ACSS3: variants seen among roughly 807,000 people sequenced by gnomAD.
The protein encoded by ACSS3 is acyl-CoA synthetase short-chain family member 3, mitochondrial.
Under a neutral mutation model 84.2 loss-of-function variants are expected in ACSS3, and 64 were observed. That is an observed-to-expected ratio of 0.76 (90% confidence interval 0.62 to 0.94). The LOEUF (loss-of-function observed/expected upper bound fraction) is 0.94. ACSS3 is among the 40% of genes least tolerant of loss of function. The pLI is 0.00. For synonymous variants in ACSS3, 317 were observed against 310.1 expected, an observed-to-expected ratio of 1.02 and a Z score of -0.23; for missense variants, 815 against 867.6, an observed-to-expected ratio of 0.94 and a Z score of 0.76.
chr12:81,243,570 G>C (rs1016165105), intron 13 of ACSS3, among the ~76,000 whole-genome samples: 2 of 152,134 alleles, frequency 1.3e-5, no homozygotes, highest in Non-Finnish European at 2.9e-5. Context: ...TAAGCCAGAA[G>C]AACAAAGCTG....
At chr12:81,096,130 A>T (rs1882026916) in intron 1 of ACSS3, among the ~76,000 whole-genome samples, 1 of 152,186 alleles carries the variant, frequency 6.6e-6, no homozygotes, top group South Asian at 2.1e-4. Context: ...AAATACTTAA[A>T]GCCTGCTCTG....
In ACSS3 at chr12:81,224,574, ATGTGT is replaced by A. The variant is rs1565730465; in HGVS notation, c.1514+4499_1514+4503del. The stretch of plus-strand genomic sequence containing the variant: ...TACATATATATATACACACACACAC[ATGTGT>A]GTGTGTGTGTGTGTGTGTGTGTATG... On this transcript the variant is annotated intron_variant, in intron 11 of 15. Transcript: ENST00000548058. 8.2e-3 allele frequency among the ~76,000 whole-genome samples: 590 copies of A among 71,936 alleles called. 2 individuals are homozygous for A. Among genetic ancestry groups the A allele is most frequent in the Non-Finnish European group, 0.015 (469 of 31,512 alleles). The allele number at this position is 71,936 out of a possible 152,430, so 47.2% of individuals were successfully genotyped here.
intron 8 of ACSS3, among the ~76,000 whole-genome samples, chr12:81,196,854 A>G (rs556526261): frequency 1.3e-5 from 2 of 152,246 alleles, no homozygotes; most frequent in South Asian, 2.1e-4. Flanking sequence ...ACTTATTACC[A>G]TGGGGAGGAC....
intron 11 of ACSS3, among the ~76,000 whole-genome samples, chr12:81,230,815 CCA>C (rs2033433542): frequency 6.6e-6 from 1 of 151,750 alleles, no homozygotes; most frequent in African/African-American, 2.4e-5. Flanking sequence ...TATTTGATTT[CCA>C]CATACTTGTG....
chr12:81,215,519 T>C (rs1490675384), intron 9 of ACSS3, among the ~76,000 whole-genome samples: 1 of 152,202 alleles, frequency 6.6e-6, no homozygotes, highest in Non-Finnish European at 1.5e-5. Context: ...TAAAGTGATA[T>C]CAATATGTGA....
Position 81,233,420 on chromosome 12 carries a change from T to C in ACSS3, c.1668T>C (p.Asp556=). The C allele has an allele frequency of 6.2e-7, 1 of 1,611,192 alleles. No individual in the cohort carries two copies. The highest frequency in any genetic ancestry group is 8.5e-7 in the Non-Finnish European group (1 of 1,177,998). ...ATTTGTATGTTATGTCTCGAGTGGA[T>C]GATGTAATAAATGTTGCAGGTCACA... ...EGYLYVMSRV[D]DVINVAGHRI... Residue 556 remains aspartate, a synonymous_variant, in exon 13 of 16, where the codon GAT becomes GAC. Transcript: ENST00000548058.
At chr12:81,108,166 G>T (rs1357365019) in intron 1 of ACSS3, among the ~76,000 whole-genome samples, 4 of 151,852 alleles carry the variant, frequency 2.6e-5, no homozygotes, top group South Asian at 2.1e-4. Context: ...TATGCTGTAG[G>T]TAATCAAATT....
intron 2 of ACSS3, among the ~76,000 whole-genome samples, chr12:81,134,338 A>T (rs1397249491): frequency 6.6e-6 from 1 of 152,200 alleles, no homozygotes; most frequent in South Asian, 2.1e-4. Flanking sequence ...GTGTTTAGTG[A>T]TATGTTTTCT....
At chr12:81,128,641 C>G (rs997703187) in intron 2 of ACSS3, among the ~76,000 whole-genome samples, 1 of 152,152 alleles carries the variant, frequency 6.6e-6, no homozygotes, top group Admixed American at 6.5e-5. Flanking sequence ...ACATGGTTAA[C>G]TTTTCTTCAG....
At chr12:81,249,578 A>G (rs1043256535) in intron 13 of ACSS3, among the ~76,000 whole-genome samples, 5 of 152,072 alleles carry the variant, frequency 3.3e-5, no homozygotes, top group African/African-American at 1.2e-4. Flanking sequence ...ATATATTTCC[A>G]TAAAGTGACT....
chr12:81,133,125 TTTTC>T (rs1289153175), intron 2 of ACSS3, among the ~76,000 whole-genome samples: 1 of 152,056 alleles, frequency 6.6e-6, no homozygotes, highest in Non-Finnish European at 1.5e-5. Context: ...GTGTTTTTTT[TTTTC>T]TTTCTGTCTT....
At position 81,253,664 on chromosome 12, in the gene ACSS3, A is replaced by G. The variant is rs1184206681; in HGVS notation, c.1989A>G (p.Pro663=). The change falls in exon 15 of 16, where the codon CCA becomes CCG. Residue 663 remains proline, a synonymous_variant. Transcript: ENST00000548058. Reference sequence around the variant, plus strand: ...TATCTGCCATTGTCAATGGCAAGCCATACAAGGTAAATTATCAAAGATATT... The same window carrying G: ...TATCTGCCATTGTCAATGGCAAGCCGTACAAGGTAAATTATCAAAGATATT... ...SALSAIVNGK[P]YKITSTIEDP... is the part of the protein sequence containing the mutation. 1.9e-6 allele frequency: 3 copies of G among 1,611,004 alleles called. No individual in the cohort carries two copies. In the South Asian group the frequency reaches 3.3e-5, roughly 18 times the overall value.
At chr12:81,094,184 CTGTGTGTGTGTG>C (rs34746505) in intron 1 of ACSS3, among the ~76,000 whole-genome samples, 1 of 146,666 alleles carries the variant, frequency 6.8e-6, no homozygotes, top group Non-Finnish European at 1.5e-5. Context: ...GTCTCTCTCT[CTGTGTGTGTGTG>C]TGTGTGTGTG....
chr12:81,148,153 G>C (rs1248221349), intron 5 of ACSS3, among the ~76,000 whole-genome samples: 1 of 127,466 alleles, frequency 7.8e-6, no homozygotes, highest in African/African-American at 2.6e-5. Context: ...GATATTTAAA[G>C]ACCATTAAAA....
chr12:81,212,865 A>G (rs1303064631), intron 9 of ACSS3, among the ~76,000 whole-genome samples: 1 of 152,184 alleles, frequency 6.6e-6, no homozygotes, highest in African/African-American at 2.4e-5. Flanking sequence ...AAATTTCTCT[A>G]TTAGCTTCTA....
In ACSS3 at chr12:81,078,278, C is replaced by A. The variant is rs377693664; in HGVS notation, c.158C>A (p.Ala53Glu). The change falls in exon 1 of 16, where the codon GCA (alanine) becomes GAA (glutamate). Residue 53 changes from alanine (A) to glutamate (E), a missense_variant. Physicochemically the swap from Ala to Glu is moderately radical, Grantham distance 107 (BLOSUM62 -1). Coordinates refer to ENST00000548058, the MANE Select transcript of ACSS3 (RefSeq NM_024560.4). ...RGGLGGRGCR[A>E]LSSGSGSEYK... The stretch of plus-strand genomic sequence containing the variant: ...GGTCTCGGGGGCCGGGGATGCAGGG[C>A]ACTGTCCTCCGGCAGTGGCAGCGAG... 5.6e-5 allele frequency: 90 copies of A among 1,611,400 alleles called. No individual in the cohort carries two copies. Among genetic ancestry groups the A allele is most frequent in the Non-Finnish European group, 7.0e-5 (83 of 1,179,870 alleles).
chr12:81,168,280 C>G (rs1022336399), intron 7 of ACSS3, among the ~76,000 whole-genome samples: 2 of 152,036 alleles, frequency 1.3e-5, no homozygotes, highest in East Asian at 3.9e-4. Flanking sequence ...TTTCTGAGAC[C>G]AGTAGAAAAT....
At chr12:81,204,735 G>C (rs2032271183) in intron 9 of ACSS3, among the ~76,000 whole-genome samples, 1 of 152,150 alleles carries the variant, frequency 6.6e-6, no homozygotes, top group African/African-American at 2.4e-5. Flanking sequence ...AGAAGATCTA[G>C]AGCTTATATT....
rs2034309695 is a variant in ACSS3, at chr12:81,256,637, A to C, written c.*1715A>C. 6.6e-6 allele frequency: 1 copy of C among 152,192 alleles called. No individual in the cohort carries two copies. Among genetic ancestry groups the C allele is most frequent in the African/African-American group, 2.4e-5 (1 of 41,452 alleles). 9.4% of individuals were successfully genotyped at this position (152,192 alleles called of 1,614,324 possible). ...TCAGGATACATGAAATGTATGTGAG[A>C]GATAAATAGATAATAGAAAGTTTAT... On this transcript the variant is annotated 3_prime_UTR_variant, in exon 16 of 16. Transcript: ENST00000548058.
Sources: gnomAD v4.1 joint callset for allele counts (sites outside exome capture counted in the v4.1 genomes callset) on GRCh38, gnomAD v4.1.1 for gene constraint, MANE v1.5 for transcripts, NCBI Gene and HGNC (gene_info 2026-07-23, HGNC 2026-07-21) for gene names.